The following MBTD1 variants were observed in gnomAD, a reference collection of about 807,000 sequenced individuals.
The protein encoded by MBTD1 is MBT domain-containing protein 1.
In MBTD1, 24 loss-of-function variants were observed where a neutral mutation model predicts 87.8. The observed-to-expected ratio is 0.27, with a 90% CI of 0.20 to 0.38. The LOEUF (loss-of-function observed/expected upper bound fraction) is 0.38. MBTD1 is among the 10% of genes least tolerant of loss of function. The pLI is 1.00. For synonymous variants in MBTD1, 237 were observed against 248.6 expected (o/e 0.95, Z 0.44); for missense variants, 436 against 760.2 (o/e 0.57, Z 5.02).
intron 3 of MBTD1, 114 bp downstream of exon 3, chr17:51,224,894 C>T: frequency 1.8e-6 from 1 of 558,414 alleles, no homozygotes; most frequent in South Asian, 5.6e-5. Context: ...TAAACGTCAG[C>T]TCTTCAAACT....
chr17:51,201,606 C>T lies in MBTD1; in HGVS notation c.1210G>A (p.Ala404Thr), dbSNP rs375734252. ...TATTATCTTACCTTTCTAATGGTTG[C>T]GACACATATTGTAGAAAGATTTAAT... ...DPLNLSTICV[A>T]TIRKVLADGF... is the part of the protein sequence containing the mutation. Residue 404 changes from alanine (A) to threonine (T), a missense_variant, in exon 12 of 17, where the codon GCA becomes ACA. Ala to Thr is a moderately conservative substitution (Grantham distance 58). Around this residue, in one of 5 missense-constraint regions of MBTD1, gnomAD observed 268 missense variants for 401.8 expected, o/e 0.67. Coordinates refer to ENST00000586178, the MANE Select transcript of MBTD1 (RefSeq NM_017643.3). 15 of 1,599,374 alleles carry T rather than the reference C, an allele frequency of 9.4e-6. No homozygotes were observed. The highest frequency in any genetic ancestry group is 2.2e-5 in the East Asian group (1 of 44,672).
upstream of MBTD1, chr17:51,260,581 A>T (rs1434992890): frequency 6.2e-7 from 1 of 1,611,414 alleles, no homozygotes; most frequent in Non-Finnish European, 8.5e-7. Flanking sequence ...CCTCAAACCT[A>T]ACGATGCCGC....
Position 51,260,020 on chromosome 17 carries a change from C to T in MBTD1, c.-298G>A, listed in dbSNP as rs1458701283. On this transcript the variant is annotated 5_prime_UTR_variant, in exon 1 of 17. Coordinates refer to ENST00000586178, the MANE Select transcript of MBTD1 (RefSeq NM_017643.3). ...CAGCCCCCGGATTTCCCCCCTTTAA[C>T]TCGGGTGGCCCCAGGATATCAACAA... is the stretch of plus-strand genomic sequence containing the variant. The T allele has an allele frequency of 2.2e-6, 1 of 457,370 alleles. No individual in the cohort carries two copies. The highest frequency in any genetic ancestry group is 2.0e-5 in the African/African-American group (1 of 49,788). 28.3% of individuals were successfully genotyped at this position (457,370 alleles called of 1,614,324 possible). A position where few individuals can be genotyped will look rare whatever the true frequency, so the allele number is the denominator to read the frequency against.
chr17:51,254,982 G>T (rs980586108), intron 2 of MBTD1, among the ~76,000 whole-genome samples: 1 of 152,158 alleles, frequency 6.6e-6, no homozygotes, highest in African/African-American at 2.4e-5. Context: ...TCATTTATTA[G>T]TATGTTAACA....
At chr17:51,257,176 A>C (rs2055138238) in intron 2 of MBTD1, among the ~76,000 whole-genome samples, 1 of 152,246 alleles carries the variant, frequency 6.6e-6, no homozygotes, top group African/African-American at 2.4e-5. Context: ...AGCTTGTTTT[A>C]ACTATTGTAA....
intron 16 of MBTD1, chr17:51,183,992 G>T (rs373685713): frequency 6.6e-6 from 1 of 152,102 alleles, no homozygotes; most frequent in Non-Finnish European, 1.5e-5. Context: ...TGTAAGAAAG[G>T]TAAGTTGAGA....
intron 2 of MBTD1, chr17:51,250,895 T>C (rs1015682863): frequency 4.6e-5 from 7 of 152,254 alleles, no homozygotes; most frequent in Non-Finnish European, 8.8e-5. Flanking sequence ...TTTCCTGCTT[T>C]TCTTCAAGAC....
rs1169655740 is a variant in MBTD1, at chr17:51,206,945, T to C, written c.547A>G (p.Thr183Ala). Reference protein sequence around the residue: ...SENVRVEVPNTDCSLPTKVFW... With the variant: ...SENVRVEVPNADCSLPTKVFW... ...ACTTTGGTAGGTAGGCTGCAGTCTG[T>C]ATTGGGAACTTCTACTCTCACATTT... Residue 183 changes from threonine to alanine, a missense_variant, in exon 7 of 17, where the codon ACA becomes GCA. Thr to Ala is a moderately conservative substitution (Grantham distance 58). Transcript: ENST00000586178. 6.2e-7 allele frequency: 1 copy of C among 1,613,962 alleles called. No homozygotes were observed. The highest frequency in any genetic ancestry group is 1.7e-5 in the Admixed American group (1 of 60,010).
intron 1 of MBTD1, 64 bp downstream of exon 1, chr17:51,259,771 G>C: frequency 8.1e-7 from 1 of 1,229,576 alleles, no homozygotes; most frequent in East Asian, 3.2e-5. Context: ...GGTTCCTGGG[G>C]TCGGAGAGCT....
intron 3 of MBTD1, 82 bp from the exon 4 acceptor site, chr17:51,220,545 G>T: frequency 1.5e-6 from 2 of 1,298,212 alleles, no homozygotes; most frequent in Non-Finnish European, 2.1e-6. Flanking sequence ...AATTTCTCCT[G>T]CCATCTGAAA....
In MBTD1 at chr17:51,179,530, A is replaced by ATATATG. The variant is rs2050231301; in HGVS notation, c.*1045_*1046insCATATA. On this transcript the variant is annotated 3_prime_UTR_variant, in exon 17 of 17. Transcript: ENST00000586178. ...TATATATATATATATATATATATATATATATATGGAATTTTAAGAAAATTA... is the reference window on the plus strand; with the variant it reads ...TATATATATATATATATATATATATATATATGTATATATGGAATTTTAAGAAAATTA... 1 of 104,616 alleles carries ATATATG rather than the reference A, an allele frequency of 9.6e-6. No homozygotes were observed. Among genetic ancestry groups the ATATATG allele is most frequent in the Non-Finnish European group, 2.1e-5 (1 of 48,294 alleles). The allele number at this position is 104,616 out of a possible 1,614,324, so 6.5% of individuals were successfully genotyped here. A position where few individuals can be genotyped will look rare whatever the true frequency, so the allele number is the denominator to read the frequency against.
chr17:51,191,945 T>C, intron 16 of MBTD1: 3 of 413,272 alleles, frequency 7.3e-6, no homozygotes, highest in Non-Finnish European at 1.3e-5. Flanking sequence ...TTACATATTA[T>C]TTCAAGAATC....
intron 16 of MBTD1, chr17:51,183,232 A>C (rs923694661): frequency 7.0e-6 from 1 of 143,396 alleles, no homozygotes; most frequent in Non-Finnish European, 1.5e-5. Context: ...GTGCAGTGGC[A>C]CAATTTCGGC....
intron 2 of MBTD1, among the ~76,000 whole-genome samples, chr17:51,255,066 A>T (rs1025289054): frequency 1.3e-5 from 2 of 152,168 alleles, no homozygotes; most frequent in Non-Finnish European, 2.9e-5. Context: ...GCAGATCACA[A>T]GGTCAGGAGT....
At position 51,236,272 on chromosome 17, in the gene MBTD1, G is replaced by T. The variant is rs1267183256; in HGVS notation, c.-48-11063C>A. ...TTTTGTTTTTATTTTTTGAGATGAG[G>T]TCTCACCCTGTTGCCCAGGCTGGAG... On this transcript the variant is annotated intron_variant, in intron 2 of 16. Coordinates refer to ENST00000586178, the MANE Select transcript of MBTD1 (RefSeq NM_017643.3). Among the ~76,000 whole-genome samples the T allele has an allele frequency of 3.9e-5, 6 of 151,954 alleles. No individual in the cohort carries two copies. The South Asian group carries it at 1.0e-3, about 26-fold the overall frequency.
intron 2 of MBTD1, among the ~76,000 whole-genome samples, chr17:51,230,104 A>C (rs1221716492): frequency 6.6e-6 from 1 of 152,210 alleles, no homozygotes; most frequent in Admixed American, 6.5e-5. Flanking sequence ...TTTGGTTCTG[A>C]ATAACTTTTA....
At position 51,179,484 on chromosome 17, in the gene MBTD1, T is replaced by TATATATATATATATTTTTATA. The variant is rs60957699; in HGVS notation, c.*1091_*1092insTATAAAAATATATATATATAT. ...ATCCTGAATACAATTAAAGACAATT[T>TATATATATATATATTTTTATA]TATATATATATATATATATATATAT... On this transcript the variant is annotated 3_prime_UTR_variant, in exon 17 of 17. Coordinates refer to ENST00000586178, the MANE Select transcript of MBTD1 (RefSeq NM_017643.3). The TATATATATATATATTTTTATA allele has an allele frequency of 2.6e-4, 9 of 35,278 alleles. No individual in the cohort carries two copies. Among genetic ancestry groups the TATATATATATATATTTTTATA allele is most frequent in the Admixed American group, 4.5e-4 (1 of 2,210 alleles). 2.2% of individuals were successfully genotyped at this position (35,278 alleles called of 1,614,324 possible).
At chr17:51,253,117 C>T (rs370072801) in intron 2 of MBTD1, among the ~76,000 whole-genome samples, 1 of 151,950 alleles carries the variant, frequency 6.6e-6, no homozygotes, top group Non-Finnish European at 1.5e-5. Context: ...ATGAAGTATA[C>T]AGTACATTAA....
chr17:51,243,508 T>G (rs1181129864), intron 2 of MBTD1, among the ~76,000 whole-genome samples: 1 of 152,202 alleles, frequency 6.6e-6, no homozygotes, highest in Non-Finnish European at 1.5e-5. Flanking sequence ...ATAAAAACAT[T>G]TTCTTATAAC....
Sources: allele counts gnomAD v4.1 joint callset (sites outside exome capture counted in the v4.1 genomes callset), GRCh38; gene constraint gnomAD v4.1.1; regional missense constraint gnomAD v4.1.1; transcripts MANE v1.5; gene names NCBI Gene and HGNC (gene_info 2026-07-23, HGNC 2026-07-21).